The following GRK5 variants were observed in gnomAD, a reference collection of about 807,000 sequenced individuals.
GRK5 encodes g protein-coupled receptor kinase GRK5.
A neutral mutation model predicts 78.4 loss-of-function variants in GRK5; 40 were observed. That is an observed-to-expected ratio of 0.51 (90% CI 0.40 to 0.66). The LOEUF is 0.66. Among genes scored for constraint, GRK5 ranks in the 30% least tolerant of loss-of-function variants. The pLI is 0.00. For missense variants in GRK5, 598 were observed against 759.9 expected (o/e 0.79, Z 2.50); for synonymous variants, 289 against 296.8 (o/e 0.97, Z 0.27).
intron 1 of GRK5, among the ~76,000 whole-genome samples, chr10:119,314,280 T>A (rs1850446290): frequency 6.6e-6 from 1 of 152,224 alleles, no homozygotes; most frequent in Non-Finnish European, 1.5e-5. Flanking sequence ...GGCCTGACAG[T>A]TCTGGCAGCT....
chr10:119,212,102 G>A (rs571564239), intron 1 of GRK5, among the ~76,000 whole-genome samples: 2 of 151,756 alleles, frequency 1.3e-5, no homozygotes, highest in Non-Finnish European at 2.9e-5. Context: ...AGCTCGGTGT[G>A]TGTAAAAGCA....
chr10:119,352,486 C>T (rs1343615380), intron 2 of GRK5, among the ~76,000 whole-genome samples: 1 of 152,152 alleles, frequency 6.6e-6, no homozygotes, highest in Non-Finnish European at 1.5e-5. Context: ...AACATCCTGC[C>T]CTCAAGGTGC....
At chr10:119,232,694 C>T (rs776557112) in intron 1 of GRK5, among the ~76,000 whole-genome samples, 14 of 152,150 alleles carry the variant, frequency 9.2e-5, no homozygotes, top group Non-Finnish European at 1.8e-4. Flanking sequence ...CCATGTAAGA[C>T]GTGACTTGCT....
At chr10:119,354,502 A>G (rs1361935047) in intron 2 of GRK5, among the ~76,000 whole-genome samples, 1 of 150,686 alleles carries the variant, frequency 6.6e-6, no homozygotes, top group East Asian at 1.9e-4. Flanking sequence ...TCCAGGCTCA[A>G]TTGACCCTCC....
intron 2 of GRK5, among the ~76,000 whole-genome samples, chr10:119,364,624 C>G (rs1404899809): frequency 6.6e-6 from 1 of 152,134 alleles, no homozygotes; most frequent in Non-Finnish European, 1.5e-5. Context: ...TTATCTAGTA[C>G]AAAATGCAGT....
At chr10:119,216,284 A>G (rs537258556) in intron 1 of GRK5, among the ~76,000 whole-genome samples, 2 of 152,232 alleles carry the variant, frequency 1.3e-5, no homozygotes, top group Non-Finnish European at 2.9e-5. Context: ...TAAAAAGGTA[A>G]TGATGAAATG....
At chr10:119,258,945 A>C (rs1267256788) in intron 1 of GRK5, among the ~76,000 whole-genome samples, 1 of 152,174 alleles carries the variant, frequency 6.6e-6, no homozygotes, top group Non-Finnish European at 1.5e-5. Flanking sequence ...TGGCTTTGGC[A>C]GCCAGTCTCA....
At chr10:119,294,188 T>C (rs1196621729) in intron 1 of GRK5, among the ~76,000 whole-genome samples, 1 of 152,196 alleles carries the variant, frequency 6.6e-6, no homozygotes, top group Admixed American at 6.5e-5. Flanking sequence ...CAGACCCAAG[T>C]TCAAATCTCT....
intron 1 of GRK5, among the ~76,000 whole-genome samples, chr10:119,219,009 T>C (rs1848621467): frequency 6.7e-6 from 1 of 150,298 alleles, no homozygotes; most frequent in Non-Finnish European, 1.5e-5. Flanking sequence ...GCGATTCTCC[T>C]GCCTCAGTCT....
In GRK5 at chr10:119,207,596, C is replaced by A. The variant is rs866808768; in HGVS notation, c.-322C>A. 232 of 298,008 alleles carry A rather than the reference C, an allele frequency of 7.8e-4. No individual in the cohort carries two copies. Among genetic ancestry groups the A allele is most frequent in the Admixed American group, 8.2e-4 (14 of 17,038 alleles). 18.5% of individuals were successfully genotyped at this position (298,008 alleles called of 1,614,324 possible). A position where few individuals can be genotyped will look rare whatever the true frequency, so the allele number is the denominator to read the frequency against. ...AGAAGCATCCGAGGCATTAAAGCAT[C>A]CGAGGGAGCCGGAGGGGAGGAGAAT... On this transcript the variant is annotated 5_prime_UTR_variant, in exon 1 of 16. Coordinates refer to ENST00000392870, the MANE Select transcript of GRK5 (RefSeq NM_005308.3).
At chr10:119,380,306 A>G (rs1308212334) in intron 2 of GRK5, among the ~76,000 whole-genome samples, 1 of 152,114 alleles carries the variant, frequency 6.6e-6, no homozygotes, top group Non-Finnish European at 1.5e-5. Flanking sequence ...TTGATGTGTC[A>G]GGCTCATCCT....
chr10:119,380,963 C>T (rs372692432), intron 3 of GRK5, 36 bp downstream of exon 3: 6 of 1,266,844 alleles, frequency 4.7e-6, no homozygotes, highest in East Asian at 2.4e-5. Context: ...TCCTGTGGTC[C>T]TCTGTGATCA....
intron 1 of GRK5, among the ~76,000 whole-genome samples, chr10:119,245,463 T>C (rs538791956): frequency 6.6e-6 from 1 of 152,310 alleles, no homozygotes. Context: ...AAGGAAATCC[T>C]GCCATAGCCA....
intron 4 of GRK5, among the ~76,000 whole-genome samples, chr10:119,403,068 C>T (rs1210582270): frequency 2.6e-5 from 4 of 152,210 alleles, no homozygotes; most frequent in African/African-American, 9.7e-5. Context: ...TTCCCCTTTC[C>T]TCCCAGGCCC....
chr10:119,364,275 C>G (rs1851410899), intron 2 of GRK5, among the ~76,000 whole-genome samples: 1 of 152,222 alleles, frequency 6.6e-6, no homozygotes, highest in African/African-American at 2.4e-5. Flanking sequence ...GCAGCTGGGT[C>G]TGGAGGGGTT....
intron 1 of GRK5, among the ~76,000 whole-genome samples, chr10:119,234,961 T>C (rs1848898457): frequency 6.6e-6 from 1 of 151,742 alleles, no homozygotes; most frequent in Non-Finnish European, 1.5e-5. Context: ...AGACATGAGC[T>C]ACCACGCCCG....
chr10:119,422,784 C>T (rs1016581168), intron 4 of GRK5, among the ~76,000 whole-genome samples: 4 of 152,252 alleles, frequency 2.6e-5, no homozygotes, highest in African/African-American at 9.6e-5. Context: ...CATTTGCACA[C>T]CTTGTCAGCT....
chr10:119,290,823 C>T (rs1238973389), intron 1 of GRK5, among the ~76,000 whole-genome samples: 2 of 152,118 alleles, frequency 1.3e-5, no homozygotes, highest in Non-Finnish European at 2.9e-5. Context: ...TGTGTTGAGA[C>T]ATAATCATCT....
At chr10:119,433,594 T>C (rs781080933) in intron 8 of GRK5, among the ~76,000 whole-genome samples, 2 of 152,212 alleles carry the variant, frequency 1.3e-5, no homozygotes, top group Admixed American at 6.5e-5. Context: ...CCCATGAGCT[T>C]GCTCATCCTT....
Sources: allele counts gnomAD v4.1 joint callset (sites outside exome capture counted in the v4.1 genomes callset), GRCh38; gene constraint gnomAD v4.1.1; transcripts MANE v1.5; gene names NCBI Gene and HGNC (gene_info 2026-07-23, HGNC 2026-07-21).